Variants in TMEM108 observed in about 807,000 individuals in gnomAD.
The protein encoded by TMEM108 is transmembrane protein 108.
Under a neutral mutation model 35.1 loss-of-function variants are expected in TMEM108, and 12 were observed. The ratio of observed to expected loss-of-function variants is 0.34; its 90% CI spans 0.22 to 0.55. The LOEUF is 0.55. TMEM108 is among the 20% of genes least tolerant of loss of function. TMEM108 has a pLI of 0.89. For missense variants in TMEM108, 680 were observed against 753.3 expected, an observed-to-expected ratio of 0.90 and a Z score of 1.14; for synonymous variants, 287 against 308.6, an observed-to-expected ratio of 0.93 and a Z score of 0.73.
At chr3:133,040,282 T>C (rs1157539045) in intron 1 of TMEM108, among the ~76,000 whole-genome samples, 1 of 150,794 alleles carries the variant, frequency 6.6e-6, no homozygotes, top group African/African-American at 2.4e-5. Context: ...CGGCTCACTG[T>C]AACCTCCGTC....
chr3:133,134,887 C>G (rs575109255), intron 2 of TMEM108, among the ~76,000 whole-genome samples: 1 of 152,066 alleles, frequency 6.6e-6, no homozygotes, highest in South Asian at 2.1e-4. Flanking sequence ...CACTCCAAGT[C>G]CCCCCTACCT....
chr3:133,385,068 G>T (rs1471996851), intron 4 of TMEM108, among the ~76,000 whole-genome samples: 5 of 152,172 alleles, frequency 3.3e-5, no homozygotes, highest in Non-Finnish European at 7.3e-5. Flanking sequence ...TGTGCTGATG[G>T]TTGCTCAGTG....
At chr3:133,136,689 G>C (rs541451001) in intron 2 of TMEM108, among the ~76,000 whole-genome samples, 1 of 152,342 alleles carries the variant, frequency 6.6e-6, no homozygotes, top group African/African-American at 2.4e-5. Context: ...GAGTGCTCCA[G>C]ATTTGGGTAG....
At chr3:133,343,343 A>C (rs1420698062) in intron 3 of TMEM108, among the ~76,000 whole-genome samples, 5 of 151,922 alleles carry the variant, frequency 3.3e-5, no homozygotes, top group Admixed American at 3.3e-4. Flanking sequence ...ATATTATTCA[A>C]CCTAGCAATC....
At chr3:133,272,520 T>C (rs1576425597) in intron 3 of TMEM108, among the ~76,000 whole-genome samples, 1 of 152,258 alleles carries the variant, frequency 6.6e-6, no homozygotes, top group South Asian at 2.1e-4. Context: ...GTCACGCAGC[T>C]AACCACGGGC....
intron 2 of TMEM108, among the ~76,000 whole-genome samples, chr3:133,212,962 G>A (rs758638837): frequency 2.6e-5 from 4 of 151,524 alleles, no homozygotes; most frequent in Non-Finnish European, 5.9e-5. Flanking sequence ...ATATTCCTGC[G>A]TTTAATATGC....
At chr3:133,038,971 G>C (rs999217790) in intron 1 of TMEM108, among the ~76,000 whole-genome samples, 3 of 152,196 alleles carry the variant, frequency 2.0e-5, no homozygotes, top group Non-Finnish European at 4.4e-5. Context: ...CGCCGGGGAC[G>C]GAGCCTCCGT....
chr3:133,040,762 A>T (rs1427565916), intron 1 of TMEM108, among the ~76,000 whole-genome samples: 1 of 152,192 alleles, frequency 6.6e-6, no homozygotes, highest in African/African-American at 2.4e-5. Context: ...TACTTCAGTG[A>T]CCTATAGGAC....
chr3:133,071,613 A>G (rs1052355754), intron 2 of TMEM108, among the ~76,000 whole-genome samples: 12 of 152,108 alleles, frequency 7.9e-5, no homozygotes, highest in Non-Finnish European at 1.6e-4. Context: ...ATCTGTTCAT[A>G]TTCTTGTTAG....
At chr3:133,378,348 G>T in intron 3 of TMEM108, 1 of 985,506 alleles carries the variant, frequency 1.0e-6, no homozygotes, top group Non-Finnish European at 1.2e-6. Context: ...CCAGGGCCCT[G>T]CCTTCTCCAT....
At chr3:133,183,424 A>G (rs757755798) in intron 2 of TMEM108, among the ~76,000 whole-genome samples, 4 of 152,054 alleles carry the variant, frequency 2.6e-5, no homozygotes, top group Non-Finnish European at 5.9e-5. Context: ...TCTTCTCCTT[A>G]GATATAGAGA....
At chr3:133,044,231 G>A (rs1943308566) in intron 1 of TMEM108, among the ~76,000 whole-genome samples, 1 of 152,098 alleles carries the variant, frequency 6.6e-6, no homozygotes, top group Admixed American at 6.5e-5. Context: ...TCTAATCTCA[G>A]TATATTGCTG....
At chr3:133,161,301 C>T (rs1180958162) in intron 2 of TMEM108, among the ~76,000 whole-genome samples, 1 of 152,206 alleles carries the variant, frequency 6.6e-6, no homozygotes, top group Non-Finnish European at 1.5e-5. Context: ...CAGCTCTCAC[C>T]TTAACATCCT....
intron 2 of TMEM108, among the ~76,000 whole-genome samples, chr3:133,113,732 C>T (rs909802884): frequency 6.6e-6 from 1 of 152,046 alleles, no homozygotes. Flanking sequence ...GGATGTTATT[C>T]GTTTTCTCAC....
At chr3:133,208,870 A>G (rs1945796152) in intron 2 of TMEM108, among the ~76,000 whole-genome samples, 1 of 152,168 alleles carries the variant, frequency 6.6e-6, no homozygotes, top group Non-Finnish European at 1.5e-5. Context: ...CTCCTTCAGA[A>G]ACCTTGTCTT....
chr3:133,048,561 AG>A (rs1943366582), intron 2 of TMEM108, among the ~76,000 whole-genome samples: 1 of 152,222 alleles, frequency 6.6e-6, no homozygotes, highest in South Asian at 2.1e-4. Context: ...CTCTAAAACA[AG>A]GCCAGTGCAG....
chr3:133,234,332 A>G (rs1482408538), intron 3 of TMEM108, among the ~76,000 whole-genome samples: 1 of 152,198 alleles, frequency 6.6e-6, no homozygotes, highest in Non-Finnish European at 1.5e-5. Flanking sequence ...CTTGATGAAC[A>G]TTGATGCAAA....
intron 2 of TMEM108, among the ~76,000 whole-genome samples, chr3:133,116,905 G>GA (rs1311149509): frequency 1.3e-5 from 2 of 152,134 alleles, no homozygotes; most frequent in Non-Finnish European, 2.9e-5. Flanking sequence ...GAGTAGCTGA[G>GA]ACTACGGGCG....
At chr3:133,367,407 C>T (rs1029236896) in intron 3 of TMEM108, among the ~76,000 whole-genome samples, 1 of 152,244 alleles carries the variant, frequency 6.6e-6, no homozygotes, top group Non-Finnish European at 1.5e-5. Context: ...CCCAAGCACG[C>T]ACAGCCTGGA....
Sources: gnomAD v4.1 joint callset for allele counts (sites outside exome capture counted in the v4.1 genomes callset) on GRCh38, gnomAD v4.1.1 for gene constraint, MANE v1.5 for transcripts, NCBI Gene and HGNC (gene_info 2026-07-23, HGNC 2026-07-21) for gene names.